Variants in PANK4 observed in about 807,000 individuals in gnomAD.
PANK4 encodes the protein pantothenate kinase 4 (inactive).
A neutral mutation model predicts 87.9 loss-of-function variants in PANK4; 40 were observed. That is an observed-to-expected ratio of 0.46 (90% CI 0.35 to 0.59). The LOEUF is 0.59. Among genes scored for constraint, PANK4 ranks in the 20% least tolerant of loss-of-function variants. The pLI is 0.00. For missense variants in PANK4, 926 were observed against 1,072.3 expected (o/e 0.86, Z 1.90); for synonymous variants, 524 against 467.4 (o/e 1.12, Z -1.56).
At chr1:2,516,017 C>T (rs1350741592) in intron 9 of PANK4, 2 of 494,058 alleles carry the variant, frequency 4.0e-6, no homozygotes, top group Non-Finnish European at 7.3e-6. Flanking sequence ...AGTCACCCTC[C>T]CATCACCCCT....
At position 2,519,259 on chromosome 1, in the gene PANK4, C is replaced by A. The variant is rs1219079273; in HGVS notation, c.919G>T (p.Ala307Ser). ...CTGTGCAGCCGTGCGTGGAGGCAGG[C>A]CAGCTGCCCAATGTCGTTGCTGATC... is the stretch of plus-strand genomic sequence containing the variant. The part of the protein sequence containing the change: ...HMISNDIGQL[A>S]CLHARLHSLD... The change falls in exon 7 of 19, where the codon GCC becomes TCC. Residue 307 changes from alanine (A) to serine (S), a missense_variant. Physicochemically the swap from Ala to Ser is moderately conservative, Grantham distance 99. Transcript: ENST00000378466. This position sits in a 1 kb window ranked among gnomAD's most constrained non-coding sequence, Gnocchi z 8.3. 1 of 1,612,384 alleles carries A rather than the reference C, an allele frequency of 6.2e-7. No individual in the cohort carries two copies. Among genetic ancestry groups the A allele is most frequent in the Non-Finnish European group, 8.5e-7 (1 of 1,179,634 alleles).
chr1:2,518,873 G>A (rs1643834549), intron 7 of PANK4, among the ~76,000 whole-genome samples: 1 of 152,238 alleles, frequency 6.6e-6, no homozygotes, highest in Non-Finnish European at 1.5e-5. Context: ...GCCTCTGCGG[G>A]GGCAGGGGCA....
At position 2,519,467 on chromosome 1, in the gene PANK4, C is replaced by G. The variant is rs1303023938; in HGVS notation, c.854-143G>C. ...AGTGGGAGGGGAGGGGGAGAGAGAG[C>G]TGAGTGGGGGAACTGGAGCCCAAGT... On this transcript the variant is annotated intron_variant, in intron 6 of 18. Coordinates refer to ENST00000378466, the MANE Select transcript of PANK4 (RefSeq NM_018216.4). This position sits in a 1 kb window ranked among gnomAD's most constrained non-coding sequence, Gnocchi z 8.3. 6.2e-6 allele frequency: 3 copies of G among 485,054 alleles called. No individual in the cohort carries two copies. The allele number at this position is 485,054 out of a possible 1,614,324, so 30.0% of individuals were successfully genotyped here. A position where few individuals can be genotyped will look rare whatever the true frequency, so the allele number is the denominator to read the frequency against.
Position 2,520,091 on chromosome 1 carries a change from G to T in PANK4, c.700-137C>A. On this transcript the variant is annotated intron_variant, in intron 5 of 18. Coordinates refer to ENST00000378466, the MANE Select transcript of PANK4 (RefSeq NM_018216.4). This position sits in a 1 kb window ranked among gnomAD's most constrained non-coding sequence, Gnocchi z 6.2. ...CCTCATCGCGTGGGACCAAAGGCAG[G>T]AGGCGGCAAGCGGGACCCTCGGGCC... The T allele has an allele frequency of 1.1e-6, 1 of 915,046 alleles. No homozygotes were observed. Among genetic ancestry groups the T allele is most frequent in the Non-Finnish European group, 1.6e-6 (1 of 618,388 alleles). The allele number at this position is 915,046 out of a possible 1,614,324, so 56.7% of individuals were successfully genotyped here.
intron 1 of PANK4, among the ~76,000 whole-genome samples, chr1:2,525,202 C>T (rs1430654986): frequency 6.6e-6 from 1 of 152,182 alleles, no homozygotes; most frequent in Non-Finnish European, 1.5e-5. Flanking sequence ...ATGTCAGATG[C>T]ACCAGGAGCA....
In PANK4 at chr1:2,511,497, A is replaced by C. The variant is rs113698516; in HGVS notation, c.1784-110T>G. ...AGGAAGCAAGTTCTCCCCGCCCCCG[A>C]AGCCCAGCTGACAGAGCCTTGAGCA... is the stretch of plus-strand genomic sequence containing the variant. On this transcript the variant is annotated intron_variant, in intron 14 of 18. Coordinates refer to ENST00000378466, the MANE Select transcript of PANK4 (RefSeq NM_018216.4). 28 of 1,109,448 alleles carry C rather than the reference A, an allele frequency of 2.5e-5. 1 individual carries two copies. In the African/African-American group the frequency reaches 2.6e-4, roughly 10 times the overall value. 68.7% of individuals were successfully genotyped at this position (1,109,448 alleles called of 1,614,324 possible).
In PANK4 at chr1:2,519,738, G is replaced by A; in HGVS notation, c.853+63C>T. 1 of 1,460,850 alleles carries A rather than the reference G, an allele frequency of 6.8e-7. No homozygotes were observed. The highest frequency in any genetic ancestry group is 9.1e-7 in the Non-Finnish European group (1 of 1,094,852). 90.5% of individuals were successfully genotyped at this position (1,460,850 alleles called of 1,614,324 possible). On this transcript the variant is annotated intron_variant, in intron 6 of 18. Coordinates refer to ENST00000378466, the MANE Select transcript of PANK4 (RefSeq NM_018216.4). The surrounding 1 kb of genome is among the most constrained non-coding windows in gnomAD (Gnocchi z 8.3). ...GAAAGCAATGGTGGGGGAAGCTCCT[G>A]TCCGTGAGACCCCAAGTGTCCCCAC...
Position 2,508,771 on chromosome 1 carries a change from G to A in PANK4, c.*76C>T. On this transcript the variant is annotated 3_prime_UTR_variant, in exon 19 of 19. Transcript: ENST00000378466. The surrounding 1 kb of genome is among the most constrained non-coding windows in gnomAD (Gnocchi z 5.1). The stretch of plus-strand genomic sequence containing the variant: ...CAGTACCATATAAATACGTTGATTT[G>A]AACGCAGTTTCCCTGTGGTGGTAAA... 2.3e-6 allele frequency: 2 copies of A among 875,830 alleles called. No homozygotes were observed. The highest frequency in any genetic ancestry group is 1.5e-5 in the South Asian group (1 of 66,514). The allele number at this position is 875,830 out of a possible 1,614,324, so 54.3% of individuals were successfully genotyped here. A position where few individuals can be genotyped will look rare whatever the true frequency, so the allele number is the denominator to read the frequency against.
rs771986111 is a variant in PANK4 at position 2,508,930 on chromosome 1, C to T, written c.2239G>A (p.Val747Ile). ...ALRCESLKLA[V>I]IKNAWLAERL... is the part of the protein sequence containing the mutation. The stretch of plus-strand genomic sequence containing the variant: ...TCGGCCAGCCACGCGTTCTTGATGA[C>T]GGCCAGCTTGAGGCTCTCGCAGCGC... The change falls in exon 19 of 19, where the codon GTC becomes ATC. Residue 747 changes from valine to isoleucine, a missense_variant. Val to Ile is a conservative substitution (Grantham distance 29). Coordinates refer to ENST00000378466, the MANE Select transcript of PANK4 (RefSeq NM_018216.4). This position sits in a 1 kb window ranked among gnomAD's most constrained non-coding sequence, Gnocchi z 5.1. 8.1e-6 allele frequency: 13 copies of T among 1,610,460 alleles called. No homozygotes were observed. The highest frequency in any genetic ancestry group is 5.0e-5 in the Admixed American group (3 of 59,790).
At position 2,520,429 on chromosome 1, in the gene PANK4, G is replaced by A. The variant is rs1557446258; in HGVS notation, c.607-15C>T. 3.1e-6 allele frequency: 5 copies of A among 1,608,492 alleles called. No homozygotes were observed. The highest frequency in any genetic ancestry group is 4.2e-6 in the Non-Finnish European group (5 of 1,176,484). Reference sequence around the variant, plus strand: ...TCCGTCTCCACCTGCAACAGAGCCAGGGCAGGTGTGCCCTCAGTGGGCCCT... The same window carrying A: ...TCCGTCTCCACCTGCAACAGAGCCAAGGCAGGTGTGCCCTCAGTGGGCCCT... On this transcript the variant is annotated splice_polypyrimidine_tract_variant and intron_variant, in intron 4 of 18. Transcript: ENST00000378466. This position sits in a 1 kb window ranked among gnomAD's most constrained non-coding sequence, Gnocchi z 6.2.
At chr1:2,523,460 A>C (rs2100798662) in intron 1 of PANK4, among the ~76,000 whole-genome samples, 1 of 152,352 alleles carries the variant, frequency 6.6e-6, no homozygotes, top group Middle Eastern at 3.4e-3. Flanking sequence ...AAGAGGATGA[A>C]GATCTATTTT....
Position 2,520,555 on chromosome 1 carries a change from G to T in PANK4, c.607-141C>A, listed in dbSNP as rs560326382. The T allele has an allele frequency of 3.8e-4, 374 of 996,342 alleles. 3 individuals are homozygous for T. Among genetic ancestry groups the T allele is most frequent in the Non-Finnish European group, 2.2e-5 (15 of 671,782 alleles). The allele number at this position is 996,342 out of a possible 1,614,324, so 61.7% of individuals were successfully genotyped here. A position where few individuals can be genotyped will look rare whatever the true frequency, so the allele number is the denominator to read the frequency against. ...TGGGAGGACTCTCATGGCCAAGCCT[G>T]GGGGCGCTGATGCCCCTCCCACAGA... is the stretch of plus-strand genomic sequence containing the variant. On this transcript the variant is annotated intron_variant, in intron 4 of 18. Transcript: ENST00000378466. This position sits in a 1 kb window ranked among gnomAD's most constrained non-coding sequence, Gnocchi z 6.2.
chr1:2,513,102 T>A, intron 12 of PANK4, 63 bp from the exon 13 acceptor site: 1 of 1,509,404 alleles, frequency 6.6e-7, no homozygotes, highest in Non-Finnish European at 9.0e-7. Context: ...CCTGGACACC[T>A]GCCAGGCGCA....
In PANK4 at chr1:2,520,385, G is replaced by C. The variant is rs760878915; in HGVS notation, c.636C>G (p.Val212=). The C allele has an allele frequency of 6.2e-7, 1 of 1,612,896 alleles. No homozygotes were observed. The part of the protein sequence containing the change: ...KVETEDRFEW[V]GGSSIGGGTF... ...TGCCGCCTCCAATGGAGCTGCCGCC[G>C]ACCCACTCGAACCTGTCCTCCGTCT... The change falls in exon 5 of 19, where the codon GTC becomes GTG. Residue 212 remains valine (V), a synonymous_variant. Transcript: ENST00000378466. This position sits in a 1 kb window ranked among gnomAD's most constrained non-coding sequence, Gnocchi z 6.2.
At position 2,520,512 on chromosome 1, in the gene PANK4, C is replaced by G; in HGVS notation, c.607-98G>C. On this transcript the variant is annotated intron_variant, in intron 4 of 18. Coordinates refer to ENST00000378466, the MANE Select transcript of PANK4 (RefSeq NM_018216.4). This position sits in a 1 kb window ranked among gnomAD's most constrained non-coding sequence, Gnocchi z 6.2. ...TGTGCTGCGCTGGGGTGAACCCCGCCCCCACCCCAACCGCCAGTGGGAGGA... is the reference window on the plus strand; with the variant it reads ...TGTGCTGCGCTGGGGTGAACCCCGCGCCCACCCCAACCGCCAGTGGGAGGA... 9.6e-7 allele frequency: 1 copy of G among 1,039,956 alleles called. No individual in the cohort carries two copies. Among genetic ancestry groups the G allele is most frequent in the South Asian group, 1.4e-5 (1 of 72,322 alleles). 64.4% of individuals were successfully genotyped at this position (1,039,956 alleles called of 1,614,324 possible).
rs757283195 is a variant in PANK4 at position 2,510,112 on chromosome 1, G to A, written c.1984C>T (p.His662Tyr). 1.2e-6 allele frequency: 2 copies of A among 1,610,896 alleles called. No homozygotes were observed. The highest frequency in any genetic ancestry group is 1.7e-6 in the Non-Finnish European group (2 of 1,179,120). The change falls in exon 17 of 19, where the codon CAC becomes TAC. Residue 662 changes from histidine to tyrosine, a missense_variant. Physicochemically the swap from His to Tyr is moderately conservative, Grantham distance 83. Transcript: ENST00000378466. The surrounding 1 kb of genome is among the most constrained non-coding windows in gnomAD (Gnocchi z 4.9). Reference protein sequence around the residue: ...NSGPALNDVTHSESLIVAERI... With the variant: ...NSGPALNDVTYSESLIVAERI... ...TCTGCCACGATGAGGGACTCGCTGT[G>A]GGTCACGTCGTTCAGGGCGGGGCCT...
chr1:2,511,087 T>C (rs951672408), intron 15 of PANK4, among the ~76,000 whole-genome samples: 1 of 151,864 alleles, frequency 6.6e-6, no homozygotes, highest in Non-Finnish European at 1.5e-5. Flanking sequence ...CAGGGACGGA[T>C]TGGCCTGCAG....
Position 2,510,619 on chromosome 1 carries a change from AC to A in PANK4, c.1938+58del, listed in dbSNP as rs903550911. 5 of 1,002,382 alleles carry A rather than the reference AC, an allele frequency of 5.0e-6. No individual in the cohort carries two copies. The Admixed American group carries it at 6.0e-5, about 12-fold the overall frequency. The allele number at this position is 1,002,382 out of a possible 1,614,324, so 62.1% of individuals were successfully genotyped here. A position where few individuals can be genotyped will look rare whatever the true frequency, so the allele number is the denominator to read the frequency against. On this transcript the variant is annotated intron_variant, in intron 16 of 18. Transcript: ENST00000378466. The surrounding 1 kb of genome is among the most constrained non-coding windows in gnomAD (Gnocchi z 4.9). ...CCGCCAGAGGCCCACAGCGGCGCCAACCCCACCGAGAGCAGAGAAGCCCAGG... is the reference window on the plus strand; with the variant it reads ...CCGCCAGAGGCCCACAGCGGCGCCAACCCACCGAGAGCAGAGAAGCCCAGG...
At chr1:2,511,542 G>A (rs939138179) in intron 14 of PANK4, 86 bp downstream of exon 14, 10 of 1,130,724 alleles carry the variant, frequency 8.8e-6, no homozygotes, top group South Asian at 3.7e-5. Flanking sequence ...CCTGGACCCC[G>A]ACCGCAACTG....
Sources: gnomAD v4.1 joint callset for allele counts (sites outside exome capture counted in the v4.1 genomes callset) on GRCh38, gnomAD v4.1.1 for gene constraint, Gnocchi (gnomAD v3.1) non-coding constraint, MANE v1.5 for transcripts, NCBI Gene and HGNC (gene_info 2026-07-23, HGNC 2026-07-21) for gene names.